FOXP1: variants seen among roughly 807,000 people sequenced by gnomAD.
FOXP1 encodes the protein forkhead box P1.
In FOXP1, 15 loss-of-function variants were observed where a neutral mutation model predicts 98.2. That is an observed-to-expected ratio of 0.15 (90% CI 0.10 to 0.24). The LOEUF (loss-of-function observed/expected upper bound fraction) is 0.24, where lower values mean the gene tolerates loss of function less well. Among genes scored for constraint, FOXP1 ranks in the 10% least tolerant of loss-of-function variants. The pLI is 1.00. For missense variants in FOXP1, 633 were observed against 848.5 expected (o/e 0.75, Z 3.15); for synonymous variants, 371 against 314.5 (o/e 1.18, Z -1.90).
chr3:71,232,877 C>CCAAAAAAAAAAAA (rs1553791711), intron 5 of FOXP1, among the ~76,000 whole-genome samples: 1 of 31,422 alleles, frequency 3.2e-5, no homozygotes, highest in African/African-American at 1.1e-4. Context: ...AACTCTGTCT[C>CCAAAAAAAAAAAA]AAAAAAAAAA....
chr3:71,135,329 G>T (rs2059772040), intron 6 of FOXP1, among the ~76,000 whole-genome samples: 1 of 151,928 alleles, frequency 6.6e-6, no homozygotes, highest in Admixed American at 6.6e-5. Flanking sequence ...AAAAGGAGGG[G>T]GGACCAAAAG....
intron 5 of FOXP1, among the ~76,000 whole-genome samples, chr3:71,230,437 A>G (rs986599106): frequency 1.3e-5 from 2 of 152,160 alleles, no homozygotes; most frequent in South Asian, 2.1e-4. Flanking sequence ...ATGAATGATT[A>G]AAGTCTTTAA....
At chr3:71,413,292 C>CACACA (rs1364185381) in intron 3 of FOXP1, among the ~76,000 whole-genome samples, 9 of 89,188 alleles carry the variant, frequency 1.0e-4, no homozygotes, top group South Asian at 3.7e-4. Context: ...ACACACACAC[C>CACACA]CAAAACAGCC....
At chr3:71,172,647 G>GT (rs1367804199) in intron 6 of FOXP1, among the ~76,000 whole-genome samples, 2 of 152,192 alleles carry the variant, frequency 1.3e-5, no homozygotes, top group African/African-American at 4.8e-5. Flanking sequence ...CGAATCCTAG[G>GT]TTTTCTCACC....
chr3:71,040,045 C>T (rs534346516), intron 11 of FOXP1, among the ~76,000 whole-genome samples: 1 of 152,012 alleles, frequency 6.6e-6, no homozygotes, highest in South Asian at 2.1e-4. Flanking sequence ...TTATCCTCAA[C>T]TCTGGTAACC....
At chr3:71,355,833 G>A (rs146705101) in intron 4 of FOXP1, among the ~76,000 whole-genome samples, 122 of 152,182 alleles carry the variant, frequency 8.0e-4, no homozygotes, top group African/African-American at 2.7e-3. Context: ...ACTCTTACCC[G>A]TCTCACCTAA....
intron 3 of FOXP1, among the ~76,000 whole-genome samples, chr3:71,428,756 A>T (rs1365599363): frequency 2.6e-5 from 4 of 152,218 alleles, no homozygotes; most frequent in Admixed American, 6.5e-5. Flanking sequence ...CCCTACAATG[A>T]GATGTGGCCT....
chr3:71,330,356 A>G (rs1034646510), intron 4 of FOXP1, among the ~76,000 whole-genome samples: 1 of 152,220 alleles, frequency 6.6e-6, no homozygotes, highest in Admixed American at 6.5e-5. Flanking sequence ...ATTGTAAGTC[A>G]CTTCTATGTT....
chr3:71,328,420 C>T (rs1314586295), intron 4 of FOXP1, among the ~76,000 whole-genome samples: 2 of 152,196 alleles, frequency 1.3e-5, no homozygotes, highest in East Asian at 3.8e-4. Context: ...GTTGATCCTG[C>T]CATCAAAATA....
chr3:71,263,154 A>T (rs1236155209), intron 5 of FOXP1, among the ~76,000 whole-genome samples: 1 of 152,186 alleles, frequency 6.6e-6, no homozygotes, highest in East Asian at 1.9e-4. Context: ...GCTAGGTCAC[A>T]GGGTGCAGGG....
At chr3:70,963,568 C>A (rs924213752) in intron 20 of FOXP1, among the ~76,000 whole-genome samples, 4 of 152,198 alleles carry the variant, frequency 2.6e-5, no homozygotes, top group African/African-American at 4.8e-5. Context: ...ACTCCTACTT[C>A]CGAAAGGGCT....
At chr3:71,492,217 TGAGAC>T (rs2091108996) in intron 3 of FOXP1, among the ~76,000 whole-genome samples, 2 of 152,196 alleles carry the variant, frequency 1.3e-5, no homozygotes, top group South Asian at 4.1e-4. Context: ...TTTAGGAGGC[TGAGAC>T]GGGCGGATCA....
At chr3:71,421,464 C>T (rs2083641576) in intron 3 of FOXP1, among the ~76,000 whole-genome samples, 1 of 152,130 alleles carries the variant, frequency 6.6e-6, no homozygotes, top group African/African-American at 2.4e-5. Flanking sequence ...ACACCAAAAT[C>T]GCTTGTGTTT....
At chr3:71,433,285 T>C (rs2084904653) in intron 3 of FOXP1, among the ~76,000 whole-genome samples, 1 of 152,232 alleles carries the variant, frequency 6.6e-6, no homozygotes, top group Non-Finnish European at 1.5e-5. Context: ...ACTTTAGGCA[T>C]TGTTTTTAAA....
chr3:71,360,076 A>G (rs1337469658), intron 3 of FOXP1, among the ~76,000 whole-genome samples: 1 of 152,188 alleles, frequency 6.6e-6, no homozygotes, highest in Non-Finnish European at 1.5e-5. Context: ...TACAGGCATG[A>G]GCCACCATGC....
At chr3:71,320,356 G>C in intron 4 of FOXP1, among the ~76,000 whole-genome samples, 1 of 151,456 alleles carries the variant, frequency 6.6e-6, no homozygotes, top group East Asian at 2.0e-4. Flanking sequence ...CTTTTTTTGC[G>C]GCTCTGGAAC....
chr3:71,005,085 A>C (rs77970916), intron 12 of FOXP1, among the ~76,000 whole-genome samples: 7,245 of 152,104 alleles, frequency 0.048, 337 homozygotes, highest in East Asian at 0.26. Flanking sequence ...TATAAAAACA[A>C]CAGGCTACTA....
intron 2 of FOXP1, among the ~76,000 whole-genome samples, chr3:71,535,688 C>T (rs2044234229): frequency 6.6e-6 from 1 of 152,152 alleles, no homozygotes; most frequent in South Asian, 2.1e-4. Context: ...CGCACCACTA[C>T]ACTCCAGACT....
chr3:71,270,968 C>T (rs151329790), intron 5 of FOXP1, among the ~76,000 whole-genome samples: 143 of 152,358 alleles, frequency 9.4e-4, no homozygotes, highest in Non-Finnish European at 1.5e-3. Context: ...TGGTGGCTCA[C>T]GCCTGTAATT....
Sources: gnomAD v4.1 joint callset for allele counts (sites outside exome capture counted in the v4.1 genomes callset) on GRCh38, gnomAD v4.1.1 for gene constraint, MANE v1.5 for transcripts, NCBI Gene and HGNC (gene_info 2026-07-23, HGNC 2026-07-21) for gene names.